PTPRD: variants seen among roughly 807,000 people sequenced by gnomAD.
PTPRD encodes the protein receptor-type tyrosine-protein phosphatase delta.
A neutral mutation model predicts 214.5 loss-of-function variants in PTPRD; 34 were observed. The ratio of observed to expected loss-of-function variants is 0.16; its 90% CI spans 0.12 to 0.21. The LOEUF (loss-of-function observed/expected upper bound fraction) is 0.21. Ranked by LOEUF, PTPRD falls within the 10% of genes least tolerant of loss-of-function variation. The pLI is 1.00. For missense variants in PTPRD, 2,545 were observed against 2,398.7 expected (o/e 1.06, Z -1.27); for synonymous variants, 1,128 against 845.7 (o/e 1.33, Z -5.79).
At chr9:9,459,292 C>T (rs918357755) in intron 8 of PTPRD, among the ~76,000 whole-genome samples, 7 of 151,934 alleles carry the variant, frequency 4.6e-5, no homozygotes, top group African/African-American at 1.7e-4. Flanking sequence ...AGAACAGAAA[C>T]AAGATAAGAA....
intron 12 of PTPRD, among the ~76,000 whole-genome samples, chr9:8,689,483 G>A (rs1243035614): frequency 6.6e-6 from 1 of 152,108 alleles, no homozygotes; most frequent in Non-Finnish European, 1.5e-5. Flanking sequence ...CATGGTAGGA[G>A]GTGAAATGCA....
At chr9:8,727,119 A>G (rs563359105) in intron 12 of PTPRD, among the ~76,000 whole-genome samples, 68 of 151,630 alleles carry the variant, frequency 4.5e-4, no homozygotes, top group African/African-American at 1.7e-3. Context: ...ATTACAAATA[A>G]TAAGAATTAG....
chr9:8,935,223 A>C (rs2098988755), intron 11 of PTPRD, among the ~76,000 whole-genome samples: 1 of 152,152 alleles, frequency 6.6e-6, no homozygotes, highest in South Asian at 2.1e-4. Context: ...TTCACCAAAA[A>C]ACTGTTGGAA....
At chr9:9,015,962 C>T (rs2099533287) in intron 11 of PTPRD, among the ~76,000 whole-genome samples, 1 of 152,060 alleles carries the variant, frequency 6.6e-6, no homozygotes, top group Non-Finnish European at 1.5e-5. Flanking sequence ...CTTCTCTCTG[C>T]TAAATGATCA....
chr9:8,416,636 G>C (rs902292025), intron 35 of PTPRD, among the ~76,000 whole-genome samples: 2 of 152,118 alleles, frequency 1.3e-5, no homozygotes, highest in African/African-American at 4.8e-5. Flanking sequence ...CTTCAGTGTA[G>C]ATTTATGACC....
chr9:9,702,344 A>G (rs2097523098), intron 7 of PTPRD, among the ~76,000 whole-genome samples: 1 of 152,196 alleles, frequency 6.6e-6, no homozygotes, highest in African/African-American at 2.4e-5. Flanking sequence ...GAATGGGGCA[A>G]TAGTGTGAGA....
intron 8 of PTPRD, among the ~76,000 whole-genome samples, chr9:9,452,626 T>A (rs1181108070): frequency 6.6e-6 from 1 of 151,440 alleles, no homozygotes; most frequent in Non-Finnish European, 1.5e-5. Context: ...TTATCACTCT[T>A]AAATTACTTT....
Position 10,525,032 on chromosome 9 carries a change from C to T in PTPRD, c.-600+87366G>A, listed in dbSNP as rs577689522. On this transcript the variant is annotated intron_variant, in intron 2 of 45. Coordinates refer to ENST00000381196, the MANE Select transcript of PTPRD (RefSeq NM_002839.4). ...GTTTCTTCTCTGCAGACAAATGCTT[C>T]GGTTTCTATTTTCAGGGTAGTGGTC... is the stretch of plus-strand genomic sequence containing the variant. Among the ~76,000 whole-genome samples, 6 of 151,470 alleles carry T rather than the reference C, an allele frequency of 4.0e-5. No homozygotes were observed. In the East Asian group the frequency reaches 7.8e-4, roughly 20 times the overall value.
At chr9:10,564,161 C>A (rs2064892133) in intron 2 of PTPRD, among the ~76,000 whole-genome samples, 1 of 51,220 alleles carries the variant, frequency 2.0e-5, no homozygotes, top group South Asian at 8.2e-4. Flanking sequence ...CACCACCACA[C>A]TAGGCTATTC....
chr9:9,328,614 CTTGCTTTTTTTTTT>C (rs2041015688), intron 9 of PTPRD, among the ~76,000 whole-genome samples: 6 of 39,070 alleles, frequency 1.5e-4, no homozygotes, highest in African/African-American at 3.0e-4. Context: ...TGTTGTTGTT[CTTGCTTTTTTTTTT>C]TTTTTTTTTT....
chr9:8,789,295 C>T (rs1439162142), intron 11 of PTPRD, among the ~76,000 whole-genome samples: 1 of 152,130 alleles, frequency 6.6e-6, no homozygotes. Context: ...CTGATTGGCA[C>T]AGAGGTGGTT....
chr9:8,456,597 A>T (rs73424292), intron 33 of PTPRD, among the ~76,000 whole-genome samples: 3,990 of 152,192 alleles, frequency 0.026, 144 homozygotes, highest in African/African-American at 0.09. Context: ...CATTTCCTTG[A>T]TGAGGGCTTG....
At chr9:10,230,701 C>CTTTGCT (rs1224135136) in intron 3 of PTPRD, among the ~76,000 whole-genome samples, 2 of 151,984 alleles carry the variant, frequency 1.3e-5, no homozygotes, top group Non-Finnish European at 2.9e-5. Flanking sequence ...GCTTGTTCAT[C>CTTTGCT]TTTGCTTTTG....
At chr9:9,346,457 T>G (rs1007778778) in intron 9 of PTPRD, among the ~76,000 whole-genome samples, 3 of 152,126 alleles carry the variant, frequency 2.0e-5, no homozygotes, top group Non-Finnish European at 4.4e-5. Context: ...CTAATGCAAT[T>G]AAACAACTCT....
chr9:9,809,527 GTGCTGGGAT>G (rs1292854614), intron 5 of PTPRD, among the ~76,000 whole-genome samples: 1 of 152,136 alleles, frequency 6.6e-6, no homozygotes, highest in African/African-American at 2.4e-5. Context: ...GCCTCCCAAA[GTGCTGGGAT>G]TACAGGCGTG....
At chr9:8,931,899 G>A (rs1207795860) in intron 11 of PTPRD, among the ~76,000 whole-genome samples, 1 of 152,056 alleles carries the variant, frequency 6.6e-6, no homozygotes, top group East Asian at 1.9e-4. Context: ...TTGAGAGGTT[G>A]TATGTGTCCC....
rs193230714 is a variant in PTPRD, at chr9:10,073,338, T to G, written c.-544-39548A>C. ...GGGCTGCCATAAGTAACTTTGGAAA[T>G]GAATGTTGTCTCTAAAACTAAAAGC... On this transcript the variant is annotated intron_variant, in intron 3 of 45. Coordinates refer to ENST00000381196, the MANE Select transcript of PTPRD (RefSeq NM_002839.4). Among the ~76,000 whole-genome samples the G allele has an allele frequency of 1.3e-3, 202 of 152,118 alleles. 5 individuals carry two copies. Among genetic ancestry groups the G allele is most frequent in the Admixed American group, 0.011 (162 of 15,254 alleles).
chr9:10,168,630 T>C (rs189481912), intron 3 of PTPRD, among the ~76,000 whole-genome samples: 153 of 152,350 alleles, frequency 1.0e-3, no homozygotes, highest in Middle Eastern at 3.4e-3. Context: ...GAAAATGTTT[T>C]AATCTTTCAT....
At chr9:9,973,776 CTT>C (rs200455016) in intron 4 of PTPRD, among the ~76,000 whole-genome samples, 2 of 150,112 alleles carry the variant, frequency 1.3e-5, no homozygotes, top group African/African-American at 2.5e-5. Flanking sequence ...AGTAAGGAGT[CTT>C]TTTTTTTCAT....
Sources: allele counts gnomAD v4.1 joint callset (sites outside exome capture counted in the v4.1 genomes callset), GRCh38; gene constraint gnomAD v4.1.1; transcripts MANE v1.5; gene names NCBI Gene and HGNC (gene_info 2026-07-23, HGNC 2026-07-21).